CUX2: variants seen among roughly 807,000 people sequenced by gnomAD.
The protein encoded by CUX2 is homeobox protein cut-like 2.
Under a neutral mutation model 144.8 loss-of-function variants are expected in CUX2, and 40 were observed. That is an observed-to-expected ratio of 0.28 (90% CI 0.21 to 0.36). The LOEUF (loss-of-function observed/expected upper bound fraction) is 0.36. Among genes scored for constraint, CUX2 ranks in the 10% least tolerant of loss-of-function variants. CUX2 has a pLI of 1.00. For missense variants in CUX2, 1,615 were observed against 1,994.0 expected (o/e 0.81, Z 3.62); for synonymous variants, 827 against 875.6 (o/e 0.94, Z 0.98).
Position 111,141,227 on chromosome 12 carries a change from A to AACACACACACACACACAC in CUX2, c.64-72961_64-72944dup, listed in dbSNP as rs111451932. Among the ~76,000 whole-genome samples the AACACACACACACACACAC allele has an allele frequency of 3.6e-3, 525 of 147,430 alleles. 4 individuals are homozygous for AACACACACACACACACAC. Among genetic ancestry groups the AACACACACACACACACAC allele is most frequent in the African/African-American group, 0.012 (485 of 40,342 alleles). ...AATTAGGGACTCAGGGGCTTAGGTC[A>AACACACACACACACACAC]ACACACACACACACACACACACACA... On this transcript the variant is annotated intron_variant, in intron 1 of 21. Coordinates refer to ENST00000261726, the MANE Select transcript of CUX2 (RefSeq NM_015267.4).
chr12:111,225,632 T>TG, intron 3 of CUX2, among the ~76,000 whole-genome samples: 1 of 152,142 alleles, frequency 6.6e-6, no homozygotes, highest in East Asian at 1.9e-4. Flanking sequence ...TTGAGGGGTC[T>TG]GGGGGTGCAG....
At chr12:111,046,773 C>T (rs1254474416) in intron 1 of CUX2, among the ~76,000 whole-genome samples, 1 of 152,202 alleles carries the variant, frequency 6.6e-6, no homozygotes, top group African/African-American at 2.4e-5. Context: ...TCGCCTGCCT[C>T]AGCCTCCTAA....
At chr12:111,076,696 C>T (rs1412873402) in intron 1 of CUX2, among the ~76,000 whole-genome samples, 2 of 152,158 alleles carry the variant, frequency 1.3e-5, no homozygotes, top group African/African-American at 4.8e-5. Context: ...CAGCCCTGCT[C>T]GAGAGTCTTA....
At chr12:111,167,987 C>T (rs954380995) in intron 1 of CUX2, among the ~76,000 whole-genome samples, 1 of 152,192 alleles carries the variant, frequency 6.6e-6, no homozygotes, top group African/African-American at 2.4e-5. Context: ...AGCCACTGCG[C>T]TCAGGGTACG....
At chr12:111,299,918 G>T (rs987741411) in intron 9 of CUX2, among the ~76,000 whole-genome samples, 1 of 152,090 alleles carries the variant, frequency 6.6e-6, no homozygotes, top group Non-Finnish European at 1.5e-5. Flanking sequence ...ATACTCTGTC[G>T]CCCAGGCTGG....
chr12:111,193,584 C>T (rs897425401), intron 1 of CUX2, among the ~76,000 whole-genome samples: 2 of 152,194 alleles, frequency 1.3e-5, no homozygotes, highest in Non-Finnish European at 2.9e-5. Context: ...TAACGCCGGC[C>T]GCACATCTGC....
rs774336752 is a variant in CUX2 at position 111,061,644 on chromosome 12, T to C, written c.63+27404T>C. On this transcript the variant is annotated intron_variant, in intron 1 of 21. Coordinates refer to ENST00000261726, the MANE Select transcript of CUX2 (RefSeq NM_015267.4). This position sits in a 1 kb window ranked among gnomAD's most constrained non-coding sequence, Gnocchi z 4.2. ...CTTTCCACTTATACCCACATTAGCA[T>C]TCTCCACGTCATTTTGCTGTCTTTC... Among the ~76,000 whole-genome samples, 5 of 152,208 alleles carry C rather than the reference T, an allele frequency of 3.3e-5. No individual in the cohort carries two copies. Among genetic ancestry groups the C allele is most frequent in the African/African-American group, 7.2e-5 (3 of 41,446 alleles).
chr12:111,110,724 T>G (rs1294640083), intron 1 of CUX2, among the ~76,000 whole-genome samples: 1 of 152,200 alleles, frequency 6.6e-6, no homozygotes, highest in East Asian at 1.9e-4. Flanking sequence ...AAAAAACAGT[T>G]TTGGCATTCA....
chr12:111,292,084 C>T (rs1885723943), intron 5 of CUX2, among the ~76,000 whole-genome samples: 1 of 152,146 alleles, frequency 6.6e-6, no homozygotes, highest in African/African-American at 2.4e-5. Context: ...AGCAGCGCCA[C>T]GGCTAGGTGT....
intron 3 of CUX2, among the ~76,000 whole-genome samples, chr12:111,226,628 C>T (rs547807023): frequency 2.0e-5 from 3 of 152,214 alleles, no homozygotes; most frequent in Non-Finnish European, 2.9e-5. Flanking sequence ...GAGTCATGGA[C>T]GTGAACCACA....
chr12:111,195,393 A>G (rs1458978559), intron 1 of CUX2, among the ~76,000 whole-genome samples: 1 of 152,230 alleles, frequency 6.6e-6, no homozygotes, highest in Non-Finnish European at 1.5e-5. Context: ...AAAAAAAGAA[A>G]CACAAAACAT....
At chr12:111,075,761 G>T (rs971758984) in intron 1 of CUX2, among the ~76,000 whole-genome samples, 1 of 152,160 alleles carries the variant, frequency 6.6e-6, no homozygotes. Context: ...TTACTGGGGA[G>T]GAATCCAAGG....
chr12:111,338,474 G>C lies in CUX2; in HGVS notation c.3385G>C (p.Ala1129Pro). Residue 1129 changes from alanine (A) to proline (P), a missense_variant and splice_region_variant, in exon 20 of 22, where the codon GCC (alanine) becomes CCC (proline). Ala to Pro is a conservative substitution (Grantham distance 27). Transcript: ENST00000261726. ...GGATATGAAGAAGCTGGAGAAGAAA[G>C]GTAAGACTTGGGCAGAGGATGGGCC... ...LRDMKKLEKK[A>P]YLKRRYGLIS... is the part of the protein sequence containing the mutation. 6.8e-6 allele frequency: 11 copies of C among 1,610,420 alleles called. No homozygotes were observed. The highest frequency in any genetic ancestry group is 9.3e-6 in the Non-Finnish European group (11 of 1,177,586).
intron 3 of CUX2, among the ~76,000 whole-genome samples, chr12:111,227,062 G>A (rs1424829210): frequency 2.6e-5 from 4 of 152,140 alleles, no homozygotes; most frequent in South Asian, 2.1e-4. Flanking sequence ...CAGCCCCACC[G>A]ACACCAGCAT....
At chr12:111,121,987 C>T (rs1191794798) in intron 1 of CUX2, among the ~76,000 whole-genome samples, 1 of 152,014 alleles carries the variant, frequency 6.6e-6, no homozygotes, top group Admixed American at 6.6e-5. Flanking sequence ...TTCCACAGCT[C>T]ATATCAAAAC....
intron 1 of CUX2, among the ~76,000 whole-genome samples, chr12:111,095,547 C>G (rs1872769497): frequency 6.6e-6 from 1 of 151,972 alleles, no homozygotes; most frequent in South Asian, 2.1e-4. Flanking sequence ...AGTGGTCTGC[C>G]TTCTCTGAGT....
intron 3 of CUX2, among the ~76,000 whole-genome samples, chr12:111,242,188 C>T (rs913202078): frequency 6.6e-6 from 1 of 152,348 alleles, no homozygotes; most frequent in Non-Finnish European, 1.5e-5. Flanking sequence ...AATTCATTAT[C>T]GCATTGAATC....
At chr12:111,300,043 C>T (rs142738879) in intron 9 of CUX2, among the ~76,000 whole-genome samples, 9 of 152,336 alleles carry the variant, frequency 5.9e-5, no homozygotes, top group Admixed American at 1.3e-4. Context: ...TGTGCCACCA[C>T]GCCGTGCTAA....
intron 1 of CUX2, among the ~76,000 whole-genome samples, chr12:111,176,832 T>G (rs1190486606): frequency 1.3e-5 from 2 of 152,128 alleles, no homozygotes; most frequent in African/African-American, 4.8e-5. Context: ...ATTCCTCCAG[T>G]CTGTTCACCG....
Sources: allele counts gnomAD v4.1 joint callset (sites outside exome capture counted in the v4.1 genomes callset), GRCh38; gene constraint gnomAD v4.1.1; non-coding constraint Gnocchi (gnomAD v3.1); transcripts MANE v1.5; gene names NCBI Gene and HGNC (gene_info 2026-07-23, HGNC 2026-07-21).